G3BP2: variants seen among roughly 807,000 people sequenced by gnomAD.
G3BP2 encodes the protein G3BP stress granule assembly factor 2, also known as ras GTPase-activating protein-binding protein 2.
G3BP2 carries 11 observed loss-of-function variants against 56.7 expected under a neutral mutation model. That is an observed-to-expected ratio of 0.19 (90% CI 0.12 to 0.32). The LOEUF (loss-of-function observed/expected upper bound fraction) is 0.32, where lower values mean the gene tolerates loss of function less well. G3BP2 is among the 10% of genes least tolerant of loss of function. G3BP2 has a pLI of 1.00. For missense variants in G3BP2, 340 were observed against 610.9 expected, an observed-to-expected ratio of 0.56 and a Z score of 4.67; for synonymous variants, 165 against 191.6, an observed-to-expected ratio of 0.86 and a Z score of 1.15.
intron 3 of G3BP2, among the ~76,000 whole-genome samples, chr4:75,678,770 A>G (rs1217810240): frequency 6.6e-6 from 1 of 152,212 alleles, no homozygotes; most frequent in Non-Finnish European, 1.5e-5. Flanking sequence ...TATGTGCCTC[A>G]GTGTTTCTCA....
chr4:75,688,767 G>C (rs1433913352), intron 3 of G3BP2, among the ~76,000 whole-genome samples: 1 of 152,210 alleles, frequency 6.6e-6, no homozygotes, highest in East Asian at 1.9e-4. Context: ...GCCATGTTTA[G>C]CAAGAATTCC....
intron 3 of G3BP2, among the ~76,000 whole-genome samples, chr4:75,681,858 A>AAG (rs894913037): frequency 1.3e-5 from 2 of 151,858 alleles, no homozygotes; most frequent in Admixed American, 1.3e-4. Context: ...CAAAAAAAAA[A>AAG]AAAAAGAAAA....
At chr4:75,701,350 T>G (rs1205407987) in intron 3 of G3BP2, among the ~76,000 whole-genome samples, 1 of 152,164 alleles carries the variant, frequency 6.6e-6, no homozygotes, top group African/African-American at 2.4e-5. Context: ...TGGAGTGCAG[T>G]GGCACTATCT....
rs1578410720 is a variant in G3BP2, at chr4:75,670,018, C to T, written c.-25+3190G>A. ...CTGAAGCAGGAGAATCGCTTGAACC[C>T]GGGGGCGGAGGTTGCAGTGAGCTGA... is the stretch of plus-strand genomic sequence containing the variant. On this transcript the variant is annotated intron_variant, in intron 1 of 11. Transcript: ENST00000359707. Among the ~76,000 whole-genome samples, 6 of 152,064 alleles carry T rather than the reference C, an allele frequency of 3.9e-5. No individual in the cohort carries two copies. In the South Asian group the frequency reaches 6.2e-4, roughly 16 times the overall value.
intron 6 of G3BP2, 48 bp downstream of exon 6, chr4:75,655,720 T>G: frequency 1.1e-6 from 1 of 942,820 alleles, no homozygotes; most frequent in Non-Finnish European, 1.7e-6. Flanking sequence ...GAAACCACCT[T>G]GCTGACATAG....
intron 1 of G3BP2, among the ~76,000 whole-genome samples, chr4:75,671,922 C>T (rs1392589030): frequency 6.6e-6 from 1 of 152,210 alleles, no homozygotes; most frequent in Non-Finnish European, 1.5e-5. Flanking sequence ...GCTATATTAA[C>T]TGCCAAATAT....
chr4:75,654,526 T>C (rs1731939764), intron 7 of G3BP2, among the ~76,000 whole-genome samples: 1 of 152,206 alleles, frequency 6.6e-6, no homozygotes, highest in Non-Finnish European at 1.5e-5. Context: ...TCTCCTCCTA[T>C]CACCACTCAA....
chr4:75,655,880 C>T lies in G3BP2; in HGVS notation c.443-10G>A, dbSNP rs6823013. On this transcript the variant is annotated splice_polypyrimidine_tract_variant and intron_variant, in intron 5 of 11. Coordinates refer to ENST00000359707, the MANE Select transcript of G3BP2 (RefSeq NM_203505.3). ...ACTTCATCTTCTGATTCTGAAAATA[C>T]ATAATACAGCACATCTTTTTTAAAG... The T allele has an allele frequency of 0.11, 144,700 of 1,263,276 alleles. 9,816 individuals are homozygous for T. The highest frequency in any genetic ancestry group is 0.29 in the African/African-American group (19,851 of 68,554). 78.3% of individuals were successfully genotyped at this position (1,263,276 alleles called of 1,614,324 possible).
At chr4:75,721,171 C>T (rs1321026987) in intron 2 of G3BP2, among the ~76,000 whole-genome samples, 1 of 151,682 alleles carries the variant, frequency 6.6e-6, no homozygotes, top group Non-Finnish European at 1.5e-5. Context: ...GAACTCCCAA[C>T]TTCAGGTGAT....
Position 75,646,310 on chromosome 4 carries a change from C to A in G3BP2, c.1176+28G>T. The A allele has an allele frequency of 3.1e-6, 3 of 958,426 alleles. 1 individual carries two copies. Among genetic ancestry groups the A allele is most frequent in the Middle Eastern group, 4.2e-4 (2 of 4,794 alleles). The allele number at this position is 958,426 out of a possible 1,614,324, so 59.4% of individuals were successfully genotyped here. ...ATATATACAACAGAAATAATAAAGTCTTGAATTATGCCCTTTAAATCACTT... is the reference window on the plus strand; with the variant it reads ...ATATATACAACAGAAATAATAAAGTATTGAATTATGCCCTTTAAATCACTT... On this transcript the variant is annotated intron_variant, in intron 11 of 11. Coordinates refer to ENST00000359707, the MANE Select transcript of G3BP2 (RefSeq NM_203505.3).
At chr4:75,672,968 G>C (rs1733616907) in intron 1 of G3BP2, 1 of 982,710 alleles carries the variant, frequency 1.0e-6, no homozygotes, top group Non-Finnish European at 1.2e-6. Context: ...CCCTCTGCCC[G>C]CAAGACGCTC....
At chr4:75,658,727 C>CAA in intron 3 of G3BP2, 116 bp downstream of exon 3, 32 of 597,710 alleles carry the variant, frequency 5.4e-5, no homozygotes, top group East Asian at 6.2e-5. Context: ...AACTCCGTCT[C>CAA]AAAAAAAAAA....
At chr4:75,687,384 C>T (rs1718657243) in intron 3 of G3BP2, among the ~76,000 whole-genome samples, 1 of 152,204 alleles carries the variant, frequency 6.6e-6, no homozygotes, top group African/African-American at 2.4e-5. Context: ...TGCCTTCCAC[C>T]ATGATTGTGA....
intron 1 of G3BP2, among the ~76,000 whole-genome samples, chr4:75,668,847 T>TTA (rs1422998630): frequency 1.3e-5 from 2 of 152,206 alleles, no homozygotes; most frequent in Non-Finnish European, 2.9e-5. Context: ...TCTTCTCTAT[T>TTA]AACTCTTAAA....
At chr4:75,707,308 T>C (rs1719586275) in intron 3 of G3BP2, among the ~76,000 whole-genome samples, 1 of 151,944 alleles carries the variant, frequency 6.6e-6, no homozygotes, top group African/African-American at 2.4e-5. Context: ...GAAATTGACC[T>C]GAGATAATGT....
rs141392340 is a variant in G3BP2, at chr4:75,697,998, A to G, written c.-25+22879T>C. On this transcript the variant is annotated intron_variant, in intron 3 of 3. Coordinates refer to the G3BP2 transcript ENST00000499709. ...AACAACCACTTATACATTTTTATAT[A>G]TAAGTATAAATACACTCAACTTCAC... Among the ~76,000 whole-genome samples, 545 of 152,350 alleles carry G rather than the reference A, an allele frequency of 3.6e-3. 1 individual carries two copies. Among genetic ancestry groups the G allele is most frequent in the Non-Finnish European group, 5.4e-3 (364 of 68,030 alleles).
upstream of G3BP2, among the ~76,000 whole-genome samples, chr4:75,676,930 C>G (rs1733898711): frequency 6.6e-6 from 1 of 152,150 alleles, no homozygotes; most frequent in South Asian, 2.1e-4. Flanking sequence ...CACACCACCC[C>G]AGCCAGCTCT....
Position 75,648,654 on chromosome 4 carries a change from T to C in G3BP2, c.913A>G (p.Arg305Gly), listed in dbSNP as rs763739135. The C allele has an allele frequency of 6.3e-7, 1 of 1,591,716 alleles. No individual in the cohort carries two copies. The highest frequency in any genetic ancestry group is 1.3e-5 in the African/African-American group (1 of 74,676). The change falls in exon 9 of 12, where the codon AGA becomes GGA. Residue 305 changes from arginine to glycine, a missense_variant. By Grantham distance (125) the Arg-to-Gly change is moderately radical. This residue lies in a region of G3BP2 where 224 missense variants were observed against 332.5 expected (regional missense o/e 0.67). Transcript: ENST00000359707. ...RPRERPGFPP[R>G]GPRPGRGDME... ...GCTGACTCACCTGGTCTTGGTCCTC[T>C]AGGAGGAAAACCAGGTCGTTCTCTA...
chr4:75,673,529 C>T (rs765314708), upstream of G3BP2: 186 of 1,232,092 alleles, frequency 1.5e-4, no homozygotes, highest in Non-Finnish European at 1.9e-4. Context: ...ACCCAACCTT[C>T]CCGTGTCCCT....
Sources: gnomAD v4.1 joint callset for allele counts (sites outside exome capture counted in the v4.1 genomes callset) on GRCh38, gnomAD v4.1.1 for gene constraint, gnomAD v4.1.1 regional missense constraint, MANE v1.5 for transcripts, NCBI Gene and HGNC (gene_info 2026-07-23, HGNC 2026-07-21) for gene names.